Variants in SCYL3 observed in about 807,000 individuals in gnomAD.
The protein encoded by SCYL3 is protein-associating with the carboxyl-terminal domain of ezrin.
A neutral mutation model predicts 73.8 loss-of-function variants in SCYL3; 35 were observed. The observed-to-expected ratio is 0.47, with a 90% CI of 0.36 to 0.63. The LOEUF is 0.63. Among genes scored for constraint, SCYL3 ranks in the 20% least tolerant of loss-of-function variants. SCYL3 has a pLI of 0.00. For synonymous variants in SCYL3, 277 were observed against 295.2 expected, an observed-to-expected ratio of 0.94 and a Z score of 0.63; for missense variants, 712 against 798.9, an observed-to-expected ratio of 0.89 and a Z score of 1.31.
chr1:169,855,898 G>C, intron 11 of SCYL3: 4 of 1,613,912 alleles, frequency 2.5e-6, no homozygotes, highest in Non-Finnish European at 3.4e-6. Flanking sequence ...CTAGAGAAGG[G>C]GTTCTCCAAG....
At chr1:169,873,595 A>G (rs1660584388) in intron 5 of SCYL3, 101 bp downstream of exon 5, 4 of 720,936 alleles carry the variant, frequency 5.5e-6, no homozygotes, top group Non-Finnish European at 9.5e-6. Context: ...TGAGGCATCT[A>G]TAACTCAGTA....
chr1:169,868,260 C>T (rs1000383384), intron 7 of SCYL3, among the ~76,000 whole-genome samples: 3 of 152,148 alleles, frequency 2.0e-5, no homozygotes, highest in Admixed American at 6.5e-5. Flanking sequence ...AATGCAAACA[C>T]ATAGGATTTT....
rs1883435 is a variant in SCYL3 at position 169,867,626 on chromosome 1, C to T, written c.738-653G>A. ...AGAGATACCACTTGGATCTTCACAT[C>T]TTATGTTTATACCTACTTTAGGCTT... On this transcript the variant is annotated intron_variant, in intron 7 of 12. Coordinates refer to ENST00000367771, the MANE Select transcript of SCYL3 (RefSeq NM_020423.7). 1.0e-2 allele frequency among the ~76,000 whole-genome samples: 1,522 copies of T among 152,338 alleles called. 25 individuals are homozygous for T. The highest frequency in any genetic ancestry group is 0.034 in the African/African-American group (1,414 of 41,564).
intron 3 of SCYL3, 93 bp downstream of exon 3, chr1:169,878,541 T>A (rs1412990635): frequency 5.4e-6 from 6 of 1,114,146 alleles, no homozygotes; most frequent in Non-Finnish European, 7.6e-6. Flanking sequence ...ACAATTTCTA[T>A]GAACACCATA....
chr1:169,855,559 CAAAGT>C (rs1256178915), intron 11 of SCYL3, among the ~76,000 whole-genome samples: 11 of 152,168 alleles, frequency 7.2e-5, no homozygotes, highest in East Asian at 3.8e-4. Flanking sequence ...ACAAAAGTCT[CAAAGT>C]AAAGTATCAG....
intron 12 of SCYL3, chr1:169,854,007 T>G (rs552746857): frequency 1.1e-4 from 65 of 599,228 alleles, no homozygotes; most frequent in South Asian, 1.6e-4. Flanking sequence ...TCAGTGTGGA[T>G]GACACCAAAT....
At chr1:169,873,046 G>A (rs1266939998) in intron 5 of SCYL3, among the ~76,000 whole-genome samples, 1 of 152,130 alleles carries the variant, frequency 6.6e-6, no homozygotes, top group Admixed American at 6.5e-5. Context: ...GAAATGTGAG[G>A]ACATGAGACT....
rs1401771389 is a variant in SCYL3, at chr1:169,850,009, C to T, written c.*3704G>A. 8 of 516,350 alleles carry T rather than the reference C, an allele frequency of 1.5e-5. No individual in the cohort carries two copies. Among genetic ancestry groups the T allele is most frequent in the African/African-American group, 3.8e-5 (2 of 52,538 alleles). 32.0% of individuals were successfully genotyped at this position (516,350 alleles called of 1,614,324 possible). On this transcript the variant is annotated 3_prime_UTR_variant, in exon 13 of 13. Coordinates refer to ENST00000367771, the MANE Select transcript of SCYL3 (RefSeq NM_020423.7). ...TTACTGCATTTGCTGTATAGTCATG[C>T]CTATGATCATAAGGGAGTCCAGAAG...
At chr1:169,887,898 T>C (rs1208361447) in intron 2 of SCYL3, among the ~76,000 whole-genome samples, 1 of 152,240 alleles carries the variant, frequency 6.6e-6, no homozygotes, top group Non-Finnish European at 1.5e-5. Context: ...CAATGTTCCA[T>C]ACCTGTTGAT....
At chr1:169,881,619 T>TAACC (rs1330155461) in intron 2 of SCYL3, among the ~76,000 whole-genome samples, 3 of 152,204 alleles carry the variant, frequency 2.0e-5, no homozygotes, top group Non-Finnish European at 4.4e-5. Context: ...TGGCCTCTGG[T>TAACC]AACCACCAGT....
rs1307458703 is a variant in SCYL3 at position 169,888,736 on chromosome 1, T to A, written c.105A>T (p.Lys35Asn). Residue 35 changes from lysine (K) to asparagine (N), a missense_variant, in exon 2 of 13, where the codon AAA becomes AAT. Physicochemically the swap from Lys to Asn is moderately conservative, Grantham distance 94. Around this residue, in one of 2 missense-constraint regions of SCYL3, gnomAD observed 342 missense variants for 448.1 expected, o/e 0.76. Transcript: ENST00000367771. ...TCTTATACACAAAAACTGAAGCAAA[T>A]TTGCCATCTTGCAGTACAGCGGGAT... ...AVYPAVLQDGKFASVFVYKRE... is the reference protein window; with the variant it reads ...AVYPAVLQDGNFASVFVYKRE... The A allele has an allele frequency of 1.9e-6, 3 of 1,613,936 alleles. No homozygotes were observed. In the African/African-American group the frequency reaches 4.0e-5, roughly 22 times the overall value.
chr1:169,854,554 C>A lies in SCYL3; in HGVS notation c.1723G>T (p.Gly575Trp), dbSNP rs1386750013. Reference protein sequence around the residue: ...LPQKISLVQRGDDADQIEPPK... With the variant: ...LPQKISLVQRWDDADQIEPPK... ...GGCTCGATTTGGTCTGCGTCATCCC[C>A]CCTTTGTACAAGGCTAATCTTTTGG... The change falls in exon 12 of 13, where the codon GGG becomes TGG. Residue 575 changes from glycine (G) to tryptophan (W), a missense_variant. Coordinates refer to ENST00000367771, the MANE Select transcript of SCYL3 (RefSeq NM_020423.7). The A allele has an allele frequency of 6.2e-7, 1 of 1,613,828 alleles. No homozygotes were observed. The highest frequency in any genetic ancestry group is 1.1e-5 in the South Asian group (1 of 91,048).
intron 11 of SCYL3, chr1:169,855,854 C>T (rs201092926): frequency 1.6e-4 from 259 of 1,613,782 alleles, no homozygotes; most frequent in African/African-American, 3.2e-4. Context: ...TGTTGATGGG[C>T]GTGCTGCCAG....
At position 169,849,924 on chromosome 1, in the gene SCYL3, A is replaced by G. The variant is rs3817859; in HGVS notation, c.*3789T>C. On this transcript the variant is annotated 3_prime_UTR_variant, in exon 13 of 13. Coordinates refer to ENST00000367771, the MANE Select transcript of SCYL3 (RefSeq NM_020423.7). ...ATGATAATACATTTCATTTTGTGCTATCAGTCATAAGGGTTAGGCTGATGA... is the reference window on the plus strand; with the variant it reads ...ATGATAATACATTTCATTTTGTGCTGTCAGTCATAAGGGTTAGGCTGATGA... 56,889 of 459,014 alleles carry G rather than the reference A, an allele frequency of 0.12. 4,145 individuals are homozygous for G. Among genetic ancestry groups the G allele is most frequent in the Admixed American group, 0.22 (5,775 of 26,454 alleles). The allele number at this position is 459,014 out of a possible 1,614,324, so 28.4% of individuals were successfully genotyped here.
chr1:169,884,842 C>G (rs74682818), intron 2 of SCYL3, among the ~76,000 whole-genome samples: 55 of 152,312 alleles, frequency 3.6e-4, no homozygotes, highest in African/African-American at 1.3e-3. Context: ...TTAGCAAGAA[C>G]CTTATTTCTC....
At chr1:169,885,531 C>G (rs1230476710) in intron 2 of SCYL3, among the ~76,000 whole-genome samples, 1 of 151,208 alleles carries the variant, frequency 6.6e-6, no homozygotes, top group East Asian at 1.9e-4. Context: ...AACTAGAGAA[C>G]AAAGATCTTC....
rs1658346254 is a variant in SCYL3, at chr1:169,851,592, A to AT, written c.*2120dup. 2 of 569,606 alleles carry AT rather than the reference A, an allele frequency of 3.5e-6. No homozygotes were observed. The highest frequency in any genetic ancestry group is 3.5e-5 in the Admixed American group (1 of 28,888). 35.3% of individuals were successfully genotyped at this position (569,606 alleles called of 1,614,324 possible). On this transcript the variant is annotated 3_prime_UTR_variant, in exon 13 of 13. Transcript: ENST00000367771. ...ATACAGTAAAGGTTAGCAGACTATC[A>AT]TTTTTTCCTGCAAAGACAACTCTAT...
chr1:169,880,727 A>C (rs1457075023), intron 2 of SCYL3, among the ~76,000 whole-genome samples: 2 of 152,042 alleles, frequency 1.3e-5, no homozygotes, highest in African/African-American at 2.4e-5. Flanking sequence ...GAACAGCATC[A>C]GAAACAGTAA....
At chr1:169,876,379 T>A (rs1028914579) in intron 3 of SCYL3, among the ~76,000 whole-genome samples, 1 of 152,214 alleles carries the variant, frequency 6.6e-6, no homozygotes, top group African/African-American at 2.4e-5. Context: ...TTAAAGCCAG[T>A]GCACACAGTC....
Sources: allele counts gnomAD v4.1 joint callset (sites outside exome capture counted in the v4.1 genomes callset), GRCh38; gene constraint gnomAD v4.1.1; regional missense constraint gnomAD v4.1.1; transcripts MANE v1.5; gene names NCBI Gene and HGNC (gene_info 2026-07-23, HGNC 2026-07-21).